Variants in SMG6 observed in about 807,000 individuals in gnomAD.
SMG6 encodes SMG6 nonsense mediated mRNA decay factor.
A neutral mutation model predicts 142.2 loss-of-function variants in SMG6; 66 were observed. The ratio of observed to expected loss-of-function variants is 0.46; its 90% CI spans 0.38 to 0.57. The LOEUF is 0.57. Among genes scored for constraint, SMG6 ranks in the 20% least tolerant of loss-of-function variants. The pLI is 0.00. For synonymous variants in SMG6, 779 were observed against 702.4 expected, an observed-to-expected ratio of 1.11 and a Z score of -1.72; for missense variants, 1,793 against 1,832.0, an observed-to-expected ratio of 0.98 and a Z score of 0.39.
intron 13 of SMG6, among the ~76,000 whole-genome samples, chr17:2,122,738 G>C (rs1416171850): frequency 6.6e-6 from 1 of 152,160 alleles, no homozygotes; most frequent in Admixed American, 6.5e-5. Flanking sequence ...AAAACCTCAA[G>C]ATACTAGAGG....
intron 8 of SMG6, among the ~76,000 whole-genome samples, chr17:2,246,504 C>G (rs1414444445): frequency 6.6e-6 from 1 of 152,264 alleles, no homozygotes; most frequent in Non-Finnish European, 1.5e-5. Context: ...TGATCAACAT[C>G]AAACTCTGCA....
chr17:2,287,263 C>T (rs551453240), intron 6 of SMG6, among the ~76,000 whole-genome samples: 2 of 152,292 alleles, frequency 1.3e-5, no homozygotes, highest in East Asian at 1.9e-4. Flanking sequence ...ATAGACATTT[C>T]TCCAAAGATG....
At chr17:2,066,925 G>A (rs753299884) in intron 16 of SMG6, among the ~76,000 whole-genome samples, 2 of 152,188 alleles carry the variant, frequency 1.3e-5, no homozygotes, top group Admixed American at 6.5e-5. Flanking sequence ...TCAGGTCTGC[G>A]GAGCACAGAG....
Position 2,085,854 on chromosome 17 carries a change from C to T in SMG6, c.3405G>A (p.Leu1135=). 1 of 1,614,202 alleles carries T rather than the reference C, an allele frequency of 6.2e-7. No individual in the cohort carries two copies. Among genetic ancestry groups the T allele is most frequent in the Non-Finnish European group, 8.5e-7 (1 of 1,180,036 alleles). Residue 1135 remains leucine, a synonymous_variant, in exon 14 of 19, where the codon CTG becomes CTA. Transcript: ENST00000263073. This position sits in a 1 kb window ranked among gnomAD's most constrained non-coding sequence, Gnocchi z 4.1. The part of the protein sequence containing the change: ...CKRVTVLKYF[L]EALCGQEEPL... Reference sequence around the variant, plus strand: ...GCTCTTCTTGTCCACAAAGGGCTTCCAGAAAATACTTCAGCACTGTGACCC... The same window carrying T: ...GCTCTTCTTGTCCACAAAGGGCTTCTAGAAAATACTTCAGCACTGTGACCC...
chr17:2,231,422 G>A (rs141739932), intron 10 of SMG6, among the ~76,000 whole-genome samples: 1 of 152,190 alleles, frequency 6.6e-6, no homozygotes, highest in East Asian at 1.9e-4. Context: ...ATAAGGCTGG[G>A]TGCAGTGGCT....
intron 13 of SMG6, among the ~76,000 whole-genome samples, chr17:2,139,311 C>T (rs932873218): frequency 3.3e-5 from 5 of 152,142 alleles, no homozygotes; most frequent in East Asian, 1.9e-4. Context: ...AACAGTGAGG[C>T]CTATTTCACC....
chr17:2,184,738 G>C (rs1597547692), intron 12 of SMG6, among the ~76,000 whole-genome samples: 1 of 150,942 alleles, frequency 6.6e-6, no homozygotes, highest in East Asian at 1.9e-4. Context: ...GCTGAGGCGG[G>C]TGGATTGCCT....
At chr17:2,087,165 C>T (rs1368034589) in intron 13 of SMG6, 10 of 1,290,362 alleles carry the variant, frequency 7.7e-6, no homozygotes, top group South Asian at 2.5e-5. Flanking sequence ...TAAATCTCAT[C>T]GTTTTCGTAC....
chr17:2,285,148 A>C (rs2151382724), intron 6 of SMG6, among the ~76,000 whole-genome samples: 1 of 152,220 alleles, frequency 6.6e-6, no homozygotes, highest in African/African-American at 2.4e-5. Context: ...TGTTTTCTCA[A>C]CACATTTTTT....
chr17:2,297,343 A>T lies in SMG6; in HGVS notation c.2051T>A (p.Phe684Tyr). The change falls in exon 4 of 19, where the codon TTC becomes TAC. Residue 684 changes from phenylalanine (F) to tyrosine (Y), a missense_variant. By Grantham distance (22) the Phe-to-Tyr change is conservative. This residue lies in a region of SMG6 where 1,597 missense variants were observed against 1,584.6 expected (regional missense o/e 1.01). Transcript: ENST00000263073. ...CAGCTTCTGAAGCAAACTATCAAAGAAGTCACTACCCTATAAAAAGAAAAA... is the reference window on the plus strand; with the variant it reads ...CAGCTTCTGAAGCAAACTATCAAAGTAGTCACTACCCTATAAAAAGAAAAA... Reference protein sequence around the residue: ...LLELLDEGSDFFDSLLQKLQV... With the variant: ...LLELLDEGSDYFDSLLQKLQV... The T allele has an allele frequency of 1.2e-6, 2 of 1,609,988 alleles. No individual in the cohort carries two copies. The highest frequency in any genetic ancestry group is 1.7e-6 in the Non-Finnish European group (2 of 1,178,148).
intron 9 of SMG6, among the ~76,000 whole-genome samples, chr17:2,238,907 TAG>T (rs1287712167): frequency 4.0e-5 from 6 of 149,628 alleles, no homozygotes; most frequent in Non-Finnish European, 8.8e-5. Context: ...GGATATAAGT[TAG>T]AGTAACTTCA....
chr17:2,226,779 C>A (rs1022093120), intron 10 of SMG6, among the ~76,000 whole-genome samples: 1 of 151,596 alleles, frequency 6.6e-6, no homozygotes, highest in African/African-American at 2.4e-5. Flanking sequence ...CCTATAGTCC[C>A]AGCTACTCTC....
intron 14 of SMG6, chr17:2,082,208 C>G (rs888630309): frequency 8.0e-6 from 4 of 498,092 alleles, no homozygotes; most frequent in South Asian, 2.8e-5. Context: ...ATAAGTCACT[C>G]GCAATCACAC....
intron 8 of SMG6, among the ~76,000 whole-genome samples, chr17:2,257,319 C>T (rs962377407): frequency 6.6e-6 from 1 of 152,074 alleles, no homozygotes; most frequent in East Asian, 1.9e-4. Context: ...CTCTTGAGCT[C>T]GTGATCTGCC....
chr17:2,169,786 C>T (rs1301713223), intron 13 of SMG6, among the ~76,000 whole-genome samples: 1 of 151,998 alleles, frequency 6.6e-6, no homozygotes, highest in East Asian at 1.9e-4. Context: ...AGAGGAGCAA[C>T]CATCAGAAGG....
At chr17:2,087,214 G>A in intron 13 of SMG6, 1 of 1,290,336 alleles carries the variant, frequency 7.7e-7, no homozygotes, top group South Asian at 1.2e-5. Flanking sequence ...TGTGCACACA[G>A]TAGGCTCACA....
intron 13 of SMG6, among the ~76,000 whole-genome samples, chr17:2,159,815 A>G (rs1053124352): frequency 6.6e-6 from 1 of 152,248 alleles, no homozygotes; most frequent in Non-Finnish European, 1.5e-5. Context: ...ATATCCATAC[A>G]ATGGAATACT....
intron 12 of SMG6, among the ~76,000 whole-genome samples, chr17:2,176,602 G>A (rs916679709): frequency 5.3e-5 from 8 of 152,132 alleles, no homozygotes; most frequent in African/African-American, 9.7e-5. Flanking sequence ...CAGAGAATAC[G>A]CAACTGTGTC....
intron 12 of SMG6, among the ~76,000 whole-genome samples, chr17:2,186,044 G>A (rs1196903447): frequency 6.6e-6 from 1 of 151,896 alleles, no homozygotes; most frequent in Non-Finnish European, 1.5e-5. Flanking sequence ...TGGGCAACAC[G>A]GCGAAACCCT....
Sources: allele counts gnomAD v4.1 joint callset (sites outside exome capture counted in the v4.1 genomes callset), GRCh38; gene constraint gnomAD v4.1.1; regional missense constraint gnomAD v4.1.1; non-coding constraint Gnocchi (gnomAD v3.1); transcripts MANE v1.5; gene names NCBI Gene and HGNC (gene_info 2026-07-23, HGNC 2026-07-21).